The following RPS6KC1 variants were observed in gnomAD, a reference collection of about 807,000 sequenced individuals.
RPS6KC1 encodes inactive ribosomal protein S6 kinase delta-1.
A neutral mutation model predicts 103.8 loss-of-function variants in RPS6KC1; 54 were observed. That is an observed-to-expected ratio of 0.52 (90% confidence interval 0.42 to 0.65). The LOEUF is 0.65. Ranked by LOEUF, RPS6KC1 falls within the 30% of genes least tolerant of loss-of-function variation. The pLI is 0.00. For missense variants in RPS6KC1, 1,151 were observed against 1,253.8 expected (o/e 0.92, Z 1.24); for synonymous variants, 439 against 438.7 (o/e 1.00, Z -0.01).
At chr1:213,558,314 C>T in the RPS6KC1 span, among the ~76,000 whole-genome samples, 10 of 152,318 alleles carry the variant, frequency 6.6e-5, no homozygotes, top group South Asian at 2.1e-4. Context: ...CCCCTGCTCA[C>T]GCTCACTCAG....
intron 12 of RPS6KC1, among the ~76,000 whole-genome samples, chr1:213,247,130 C>T (rs143865076): frequency 6.9e-4 from 105 of 152,192 alleles, no homozygotes; most frequent in African/African-American, 2.4e-3. Context: ...ATACTTTTCA[C>T]ACTTGAGAAT....
the RPS6KC1 span, among the ~76,000 whole-genome samples, chr1:213,827,461 A>G: frequency 1.3e-5 from 2 of 152,352 alleles, no homozygotes; most frequent in African/African-American, 4.8e-5. Context: ...CATAGAGTGG[A>G]AAATGAAGAG....
chr1:213,280,869 C>A, the RPS6KC1 span, among the ~76,000 whole-genome samples: 1 of 152,180 alleles, frequency 6.6e-6, no homozygotes, highest in Non-Finnish European at 1.5e-5. Context: ...GTTCCTTCAT[C>A]TGTCTCTATG....
At chr1:213,229,485 G>A (rs2094037892) in intron 8 of RPS6KC1, among the ~76,000 whole-genome samples, 1 of 152,048 alleles carries the variant, frequency 6.6e-6, no homozygotes, top group Admixed American at 6.6e-5. Flanking sequence ...TCAGTCTGTG[G>A]CTGCTTTTGT....
chr1:213,518,297 A>G, the RPS6KC1 span, among the ~76,000 whole-genome samples: 2 of 152,222 alleles, frequency 1.3e-5, no homozygotes, highest in African/African-American at 2.4e-5. Flanking sequence ...GAAGTTCTCA[A>G]GATGAGATCA....
the RPS6KC1 span, among the ~76,000 whole-genome samples, chr1:213,323,773 C>T: frequency 3.3e-5 from 5 of 152,050 alleles, no homozygotes; most frequent in Non-Finnish European, 7.4e-5. Context: ...TTTTCATTTA[C>T]TCCGTGACCC....
chr1:213,732,606 G>C, the RPS6KC1 span, among the ~76,000 whole-genome samples: 2 of 152,120 alleles, frequency 1.3e-5, no homozygotes, highest in African/African-American at 4.8e-5. Flanking sequence ...TCTGGCAAAA[G>C]ATTGCCTCCT....
the RPS6KC1 span, among the ~76,000 whole-genome samples, chr1:213,595,136 A>T: frequency 5.3e-5 from 8 of 152,238 alleles, no homozygotes; most frequent in African/African-American, 1.9e-4. Flanking sequence ...ACCCACAAAC[A>T]CTAGTTCCAG....
intron 3 of RPS6KC1, among the ~76,000 whole-genome samples, chr1:213,086,848 A>G (rs2080445086): frequency 6.6e-6 from 1 of 152,206 alleles, no homozygotes. Context: ...CACGTGTATT[A>G]TATAGATATA....
At chr1:213,253,860 G>A (rs2094586501) in intron 12 of RPS6KC1, among the ~76,000 whole-genome samples, 2 of 152,012 alleles carry the variant, frequency 1.3e-5, no homozygotes, top group Non-Finnish European at 2.9e-5. Context: ...TTTACTTTTG[G>A]GAGCCAAGCT....
chr1:213,676,796 T>C, the RPS6KC1 span, among the ~76,000 whole-genome samples: 1 of 152,230 alleles, frequency 6.6e-6, no homozygotes, highest in Admixed American at 6.5e-5. Context: ...ACCTGCTCAC[T>C]TCTCTGAGAT....
chr1:213,331,754 G>A, the RPS6KC1 span, among the ~76,000 whole-genome samples: 2 of 152,296 alleles, frequency 1.3e-5, no homozygotes, highest in South Asian at 4.1e-4. Context: ...GAAGAGGCCA[G>A]GGTCCTTTTG....
chr1:213,358,366 G>T, the RPS6KC1 span, among the ~76,000 whole-genome samples: 1 of 152,194 alleles, frequency 6.6e-6, no homozygotes, highest in East Asian at 1.9e-4. Flanking sequence ...TCTTGGGAGG[G>T]TGTATGTGTC....
chr1:213,365,800 A>G, the RPS6KC1 span, among the ~76,000 whole-genome samples: 1 of 152,236 alleles, frequency 6.6e-6, no homozygotes, highest in Non-Finnish European at 1.5e-5. Context: ...TATAGTAAGC[A>G]TTTTAGGTTT....
the RPS6KC1 span, among the ~76,000 whole-genome samples, chr1:213,404,787 C>A: frequency 6.6e-6 from 1 of 152,258 alleles, no homozygotes; most frequent in Non-Finnish European, 1.5e-5. Flanking sequence ...CCCATTTCCC[C>A]TTCACTGGCT....
the RPS6KC1 span, among the ~76,000 whole-genome samples, chr1:213,810,024 A>G: frequency 6.6e-6 from 1 of 152,110 alleles, no homozygotes. Flanking sequence ...CCAGCCTCTC[A>G]CCTCTCTCTA....
the RPS6KC1 span, among the ~76,000 whole-genome samples, chr1:213,572,833 G>A: frequency 2.2e-3 from 339 of 152,288 alleles, 2 homozygotes; most frequent in African/African-American, 7.9e-3. Context: ...GCACTAGGAA[G>A]TGTAGCAAAT....
At chr1:213,328,552 C>T in the RPS6KC1 span, among the ~76,000 whole-genome samples, 557 of 138,610 alleles carry the variant, frequency 4.0e-3, 6 homozygotes, top group African/African-American at 0.014. Context: ...CACACACACA[C>T]GTGCACAAAG....
At chr1:213,146,834 T>G (rs2087902603) in intron 6 of RPS6KC1, among the ~76,000 whole-genome samples, 1 of 151,204 alleles carries the variant, frequency 6.6e-6, no homozygotes, top group African/African-American at 2.4e-5. Context: ...CAGGGTTCCC[T>G]TTTCTTCACA....
Sources: gnomAD v4.1 joint callset for allele counts (sites outside exome capture counted in the v4.1 genomes callset) on GRCh38, gnomAD v4.1.1 for gene constraint, MANE v1.5 for transcripts, NCBI Gene and HGNC (gene_info 2026-07-23, HGNC 2026-07-21) for gene names.